AK8: variants seen among roughly 807,000 people sequenced by gnomAD.
The protein encoded by AK8 is ATP-AMP transphosphorylase 8.
In AK8, 44 loss-of-function variants were observed where a neutral mutation model predicts 54.6. That is an observed-to-expected ratio of 0.81 (90% CI 0.63 to 1.04). AK8 has a LOEUF of 1.04. Ranked by LOEUF, AK8 falls within the 50% of genes least tolerant of loss-of-function variation. The pLI, the probability that AK8 is intolerant of heterozygous loss-of-function variation, is 0.00. For synonymous variants in AK8, 239 were observed against 245.6 expected (o/e 0.97, Z 0.25); for missense variants, 555 against 613.6 (o/e 0.90, Z 1.01).
intron 2 of AK8, among the ~76,000 whole-genome samples, chr9:132,872,377 C>G (rs1237858238): frequency 6.6e-6 from 1 of 152,038 alleles, no homozygotes; most frequent in Non-Finnish European, 1.5e-5. Context: ...GAGAAGAACA[C>G]AGGGCATGCA....
At chr9:132,776,429 G>A (rs1191142129) in intron 11 of AK8, among the ~76,000 whole-genome samples, 1 of 152,238 alleles carries the variant, frequency 6.6e-6, no homozygotes, top group Non-Finnish European at 1.5e-5. Context: ...TGCTCTGAGA[G>A]TCCCGAGAGT....
chr9:132,822,447 G>A (rs1005510584), intron 9 of AK8, among the ~76,000 whole-genome samples: 10 of 149,402 alleles, frequency 6.7e-5, no homozygotes, highest in Admixed American at 3.4e-4. Context: ...AATTTGGGGG[G>A]GTTGTATGCA....
chr9:132,863,677 A>T lies in AK8; in HGVS notation c.321T>A (p.Tyr107Ter), dbSNP rs772067671. 2 of 1,613,244 alleles carry T rather than the reference A, an allele frequency of 1.2e-6. No individual in the cohort carries two copies. The highest frequency in any genetic ancestry group is 1.7e-6 in the Non-Finnish European group (2 of 1,179,590). ...SYTATEARRL[Y>*]LQRKTVPSAL... ...GGGCCAGTCCTACCTTCCTTTGCAG[A>T]TAAAGCCTTCTGGCTTCGGTGGCCG... The change falls in exon 4 of 13, where the codon TAT becomes TAA. Residue 107 changes from tyrosine to a stop codon, truncating the protein, a stop_gained. Coordinates refer to ENST00000298545, the MANE Select transcript of AK8 (RefSeq NM_152572.3). LOFTEE classifies it high-confidence loss of function.
At chr9:132,848,495 T>A (rs1447022730) in intron 5 of AK8, among the ~76,000 whole-genome samples, 1 of 152,210 alleles carries the variant, frequency 6.6e-6, no homozygotes, top group African/African-American at 2.4e-5. Flanking sequence ...TTCTGGTTCC[T>A]GCCTCACTTC....
At position 132,790,624 on chromosome 9, in the gene AK8, G is replaced by C. The variant is rs1034203553; in HGVS notation, c.1121+2010C>G. ...TAGCACCTTAATGTCAGCAGTACCA[G>C]GACAGCCCTTATGGTCAGGAAAAAC... is the stretch of plus-strand genomic sequence containing the variant. On this transcript the variant is annotated intron_variant, in intron 11 of 12. Transcript: ENST00000298545. This position sits in a 1 kb window ranked among gnomAD's most constrained non-coding sequence, Gnocchi z 4.1. 5.3e-5 allele frequency among the ~76,000 whole-genome samples: 8 copies of C among 152,144 alleles called. No individual in the cohort carries two copies. Among genetic ancestry groups the C allele is most frequent in the Non-Finnish European group, 8.8e-5 (6 of 68,030 alleles).
At chr9:132,802,261 G>A (rs186763167) in intron 10 of AK8, among the ~76,000 whole-genome samples, 45 of 152,312 alleles carry the variant, frequency 3.0e-4, no homozygotes, top group Middle Eastern at 6.8e-3. Context: ...GCCTTCCCCG[G>A]TGTGGTGTGG....
chr9:132,866,225 G>A (rs1047460746), intron 3 of AK8, among the ~76,000 whole-genome samples: 3 of 152,116 alleles, frequency 2.0e-5, no homozygotes, highest in African/African-American at 7.2e-5. Context: ...CTTAAAGATC[G>A]AAGCCACAGA....
rs1839903756 is a variant in AK8, at chr9:132,790,530, G to T, written c.1121+2104C>A. 6.6e-6 allele frequency among the ~76,000 whole-genome samples: 1 copy of T among 152,118 alleles called. No individual in the cohort carries two copies. The highest frequency in any genetic ancestry group is 2.1e-4 in the South Asian group (1 of 4,822). On this transcript the variant is annotated intron_variant, in intron 11 of 12. Coordinates refer to ENST00000298545, the MANE Select transcript of AK8 (RefSeq NM_152572.3). The surrounding 1 kb of genome is among the most constrained non-coding windows in gnomAD (Gnocchi z 4.1). Reference sequence around the variant, plus strand: ...CTCCCAAAGTGCTGGGATTACAGGCGTGAGCCACTGTGCCCGGCCAACTTC... The same window carrying T: ...CTCCCAAAGTGCTGGGATTACAGGCTTGAGCCACTGTGCCCGGCCAACTTC...
rs184712641 is a variant in AK8, at chr9:132,747,669, G to A, written c.1122-20135C>T. ...TGGTCTTGAACTCCTGACCTCTAGT[G>A]ATCTGTCTGCCTCGGCCTCCCAAAG... On this transcript the variant is annotated intron_variant, in intron 11 of 12. Coordinates refer to ENST00000298545, the MANE Select transcript of AK8 (RefSeq NM_152572.3). Among the ~76,000 whole-genome samples the A allele has an allele frequency of 5.1e-3, 767 of 150,772 alleles. 14 individuals are homozygous for A. Among genetic ancestry groups the A allele is most frequent in the African/African-American group, 0.018 (739 of 41,186 alleles).
rs551680611 is a variant in AK8 at position 132,802,368 on chromosome 9, C to T, written c.980-9593G>A. Among the ~76,000 whole-genome samples, 5 of 152,328 alleles carry T rather than the reference C, an allele frequency of 3.3e-5. No individual in the cohort carries two copies. The South Asian group carries it at 1.0e-3, about 32-fold the overall frequency. ...ATCCCCTCCCTGGAACCTGGGCTGGCCCCAGTGACAAGCTCTGTGAACAGA... is the reference window on the plus strand; with the variant it reads ...ATCCCCTCCCTGGAACCTGGGCTGGTCCCAGTGACAAGCTCTGTGAACAGA... On this transcript the variant is annotated intron_variant, in intron 10 of 12. Coordinates refer to ENST00000298545, the MANE Select transcript of AK8 (RefSeq NM_152572.3).
intron 5 of AK8, among the ~76,000 whole-genome samples, chr9:132,838,967 C>T (rs891973402): frequency 2.6e-5 from 4 of 151,978 alleles, no homozygotes; most frequent in East Asian, 1.9e-4. Flanking sequence ...TTGTTGAGAC[C>T]GAGTCTCCAA....
At chr9:132,848,428 T>C (rs918386380) in intron 5 of AK8, among the ~76,000 whole-genome samples, 1 of 151,912 alleles carries the variant, frequency 6.6e-6, no homozygotes, top group African/African-American at 2.4e-5. Context: ...AAAGTTCCCG[T>C]GAGGTTGGTT....
chr9:132,843,841 G>C (rs532897273), intron 5 of AK8, among the ~76,000 whole-genome samples: 89 of 152,078 alleles, frequency 5.9e-4, no homozygotes, highest in Non-Finnish European at 1.1e-3. Context: ...TGGAACCATA[G>C]GAATGAATAT....
chr9:132,741,580 G>T (rs1837395320), intron 11 of AK8, among the ~76,000 whole-genome samples: 1 of 152,234 alleles, frequency 6.6e-6, no homozygotes, highest in Non-Finnish European at 1.5e-5. Context: ...TCAGCTGTAA[G>T]GGGTGGGTCA....
intron 11 of AK8, among the ~76,000 whole-genome samples, chr9:132,784,387 C>G (rs1401652962): frequency 6.6e-6 from 1 of 152,126 alleles, no homozygotes; most frequent in East Asian, 1.9e-4. Flanking sequence ...TGCATGGTGG[C>G]ACACATCTGT....
intron 5 of AK8, among the ~76,000 whole-genome samples, chr9:132,850,894 A>AT (rs1038869564): frequency 7.8e-6 from 1 of 127,516 alleles, no homozygotes; most frequent in Non-Finnish European, 1.8e-5. Context: ...CTGTAGGTGC[A>AT]TTTAAAAAAA....
chr9:132,765,881 A>G (rs1367999977), intron 11 of AK8, among the ~76,000 whole-genome samples: 1 of 152,234 alleles, frequency 6.6e-6, no homozygotes, highest in African/African-American at 2.4e-5. Flanking sequence ...TCCAAATTGG[A>G]AAGGAGGAAG....
At chr9:132,730,137 G>A (rs1466280448) in intron 11 of AK8, among the ~76,000 whole-genome samples, 1 of 152,166 alleles carries the variant, frequency 6.6e-6, no homozygotes, top group Non-Finnish European at 1.5e-5. Context: ...CACGGTGGGA[G>A]GCTTTTCTGT....
At chr9:132,784,637 G>T (rs928151635) in intron 11 of AK8, among the ~76,000 whole-genome samples, 2 of 152,148 alleles carry the variant, frequency 1.3e-5, no homozygotes, top group Non-Finnish European at 2.9e-5. Context: ...CACTGAGGGC[G>T]GGGGAGGAGC....
Sources: gnomAD v4.1 joint callset for allele counts (sites outside exome capture counted in the v4.1 genomes callset) on GRCh38, gnomAD v4.1.1 for gene constraint, Gnocchi (gnomAD v3.1) non-coding constraint, MANE v1.5 for transcripts, NCBI Gene and HGNC (gene_info 2026-07-23, HGNC 2026-07-21) for gene names.